Variants in NR5A2 observed in about 807,000 individuals in gnomAD.
NR5A2 encodes nuclear receptor subfamily 5 group A member 2, also known as CYP7A promoter-binding factor.
NR5A2 carries 26 observed loss-of-function variants against 62.7 expected under a neutral mutation model. The observed-to-expected ratio is 0.41, with a 90% CI of 0.30 to 0.58. NR5A2 has a LOEUF of 0.58. Among genes scored for constraint, NR5A2 ranks in the 20% least tolerant of loss-of-function variants. The pLI is 0.22. For synonymous variants in NR5A2, 246 were observed against 241.7 expected (o/e 1.02, Z -0.16); for missense variants, 541 against 669.1 (o/e 0.81, Z 2.11).
chr1:200,157,966 T>C lies in NR5A2; in HGVS notation c.1379-15997T>C, dbSNP rs527494441. ...AATTTAACTCTACAAACTCATAAAA[T>C]ATTGGATATTTAGAATGAATGTAGA... On this transcript the variant is annotated intron_variant, in intron 7 of 7. Transcript: ENST00000367362. 2.9e-4 allele frequency among the ~76,000 whole-genome samples: 44 copies of C among 152,326 alleles called. No homozygotes were observed. The Middle Eastern group carries it at 0.01, about 35-fold the overall frequency.
In NR5A2 at chr1:200,073,349, T is replaced by C. The variant is rs1328422283; in HGVS notation, c.1110+24531T>C. ...ATATATATATATATATTCCCCTTTA[T>C]ATATATATGCGCACACATACTGCTG... On this transcript the variant is annotated intron_variant, in intron 5 of 7. Coordinates refer to ENST00000367362, the MANE Select transcript of NR5A2 (RefSeq NM_205860.3). Among the ~76,000 whole-genome samples the C allele has an allele frequency of 5.4e-5, 3 of 56,002 alleles. No homozygotes were observed. The East Asian group carries it at 1.5e-3, about 28-fold the overall frequency. The allele number at this position is 56,002 out of a possible 152,430, so 36.7% of individuals were successfully genotyped here. A position where few individuals can be genotyped will look rare whatever the true frequency, so the allele number is the denominator to read the frequency against.
intron 5 of NR5A2, among the ~76,000 whole-genome samples, chr1:200,091,675 G>A (rs796506386): frequency 1.6e-4 from 25 of 152,056 alleles, no homozygotes; most frequent in African/African-American, 5.3e-4. Flanking sequence ...AATAGAGATC[G>A]GGTTTCACCA....
In NR5A2 at chr1:200,048,754, C is replaced by A; in HGVS notation, c.1046C>A (p.Ala349Glu). Residue 349 changes from alanine to glutamate, a missense_variant, in exon 5 of 8, where the codon GCA becomes GAA. Physicochemically the swap from Ala to Glu is moderately radical, Grantham distance 107 (BLOSUM62 -1). Around this residue, in one of 3 missense-constraint regions of NR5A2, gnomAD observed 379 missense variants for 442.0 expected, o/e 0.86. Coordinates refer to ENST00000367362, the MANE Select transcript of NR5A2 (RefSeq NM_205860.3). The surrounding 1 kb of genome is among the most constrained non-coding windows in gnomAD (Gnocchi z 4.8). The stretch of plus-strand genomic sequence containing the variant: ...ACCTTTGGGCTTATGTGCAAAATGG[C>A]AGATCAAACTCTCTTCTCCATTGTC... ...LSTFGLMCKM[A>E]DQTLFSIVEW... 6.2e-7 allele frequency: 1 copy of A among 1,614,200 alleles called. No individual in the cohort carries two copies. Among genetic ancestry groups the A allele is most frequent in the East Asian group, 2.2e-5 (1 of 44,880 alleles).
chr1:200,063,680 A>G lies in NR5A2; in HGVS notation c.1110+14862A>G, dbSNP rs544071752. On this transcript the variant is annotated intron_variant, in intron 5 of 7. Coordinates refer to ENST00000367362, the MANE Select transcript of NR5A2 (RefSeq NM_205860.3). The stretch of plus-strand genomic sequence containing the variant: ...TTACACCTGCATTTTACTGGGGTGT[A>G]GTATTTTTCTTTGTTGTTGAATCAC... Among the ~76,000 whole-genome samples the G allele has an allele frequency of 1.4e-4, 21 of 152,306 alleles. 2 individuals are homozygous for G. Among genetic ancestry groups the G allele is most frequent in the African/African-American group, 2.6e-4 (11 of 41,590 alleles).
intron 5 of NR5A2, among the ~76,000 whole-genome samples, chr1:200,098,581 T>G (rs190589304): frequency 6.6e-6 from 1 of 151,372 alleles, no homozygotes; most frequent in East Asian, 1.9e-4. Context: ...ATCCTGTTTC[T>G]GGCACCTGAG....
In NR5A2 at chr1:200,118,024, T is replaced by C. The variant is rs1486639846; in HGVS notation, c.1231-2784T>C. On this transcript the variant is annotated intron_variant, in intron 6 of 7. Coordinates refer to ENST00000367362, the MANE Select transcript of NR5A2 (RefSeq NM_205860.3). ...CCGCCGCACCTCGCCTTTTTCTTTT[T>C]TTTTTTTTTTTTGAGACAGTCTCAC... 1.3e-3 allele frequency among the ~76,000 whole-genome samples: 175 copies of C among 139,390 alleles called. 1 individual carries two copies. Among genetic ancestry groups the C allele is most frequent in the Non-Finnish European group, 2.1e-3 (137 of 64,362 alleles). 91.4% of individuals were successfully genotyped at this position (139,390 alleles called of 152,430 possible).
intron 5 of NR5A2, among the ~76,000 whole-genome samples, chr1:200,077,738 T>G (rs2821309): frequency 1.3e-5 from 2 of 151,870 alleles, no homozygotes; most frequent in Admixed American, 1.3e-4. Flanking sequence ...ACAAACAAAC[T>G]GGCAATTAAT....
chr1:200,089,928 G>A (rs761411278), intron 5 of NR5A2, among the ~76,000 whole-genome samples: 1 of 152,076 alleles, frequency 6.6e-6, no homozygotes, highest in African/African-American at 2.4e-5. Flanking sequence ...TCTCCATCTC[G>A]TCTCACCTGC....
chr1:200,151,273 G>GA (rs1653100561), intron 7 of NR5A2, among the ~76,000 whole-genome samples: 1 of 152,194 alleles, frequency 6.6e-6, no homozygotes, highest in South Asian at 2.1e-4. Flanking sequence ...TCTTTTTAGA[G>GA]AAAGCCATGG....
At chr1:200,136,309 C>T (rs1571538056) in intron 7 of NR5A2, among the ~76,000 whole-genome samples, 1 of 152,010 alleles carries the variant, frequency 6.6e-6, no homozygotes, top group East Asian at 1.9e-4. Context: ...ACCTCCGCTT[C>T]CTGGGTTCGG....
chr1:200,114,178 A>G (rs1666100009), intron 6 of NR5A2, among the ~76,000 whole-genome samples: 1 of 42,218 alleles, frequency 2.4e-5, no homozygotes, highest in African/African-American at 7.0e-5. Context: ...GCAAGACGCC[A>G]TCTCAAAAAA....
chr1:200,113,979 G>A (rs976688354), intron 6 of NR5A2, among the ~76,000 whole-genome samples: 12 of 152,096 alleles, frequency 7.9e-5, no homozygotes, highest in African/African-American at 2.2e-4. Context: ...TCAGGGGTTC[G>A]AGACCAGCCT....
At chr1:200,142,072 C>T (rs967966690) in intron 7 of NR5A2, among the ~76,000 whole-genome samples, 1 of 151,828 alleles carries the variant, frequency 6.6e-6, no homozygotes, top group Non-Finnish European at 1.5e-5. Flanking sequence ...AAGCTTTTTT[C>T]CCCCTTTTAT....
At position 200,173,972 on chromosome 1, in the gene NR5A2, A is replaced by G; in HGVS notation, c.1388A>G (p.Asn463Ser). 1 of 1,427,558 alleles carries G rather than the reference A, an allele frequency of 7.0e-7. No homozygotes were observed. Among genetic ancestry groups the G allele is most frequent in the Non-Finnish European group, 9.2e-7 (1 of 1,083,308 alleles). The allele number at this position is 1,427,558 out of a possible 1,614,324, so 88.4% of individuals were successfully genotyped here. The change falls in exon 8 of 8, where the codon AAC (asparagine) becomes AGC (serine). Residue 463 changes from asparagine (N) to serine (S), a missense_variant. Asn to Ser is a conservative substitution (Grantham distance 46, BLOSUM62 1). Coordinates refer to ENST00000367362, the MANE Select transcript of NR5A2 (RefSeq NM_205860.3). ...FLVLFSLDVK[N>S]LENFQLVEGV... is the part of the protein sequence containing the mutation. ...TTTTTTTTTAATGCAGATGTCAAAA[A>G]CCTTGAAAACTTCCAGCTGGTAGAA... is the stretch of plus-strand genomic sequence containing the variant.
intron 7 of NR5A2, among the ~76,000 whole-genome samples, chr1:200,131,954 A>C (rs1232445606): frequency 6.6e-6 from 1 of 152,172 alleles, no homozygotes. Flanking sequence ...ATCACACAAA[A>C]TATATTGAGT....
intron 5 of NR5A2, among the ~76,000 whole-genome samples, chr1:200,068,853 A>T: frequency 6.6e-6 from 1 of 152,244 alleles, no homozygotes; most frequent in Non-Finnish European, 1.5e-5. Flanking sequence ...TACACAGATG[A>T]TGATATTTTA....
chr1:200,074,190 C>T (rs1454194110), intron 5 of NR5A2, among the ~76,000 whole-genome samples: 1 of 152,012 alleles, frequency 6.6e-6, no homozygotes, highest in Non-Finnish European at 1.5e-5. Context: ...TATTACAGAT[C>T]TAGTTCTAAT....
chr1:200,059,554 G>A (rs1663091719), intron 5 of NR5A2, among the ~76,000 whole-genome samples: 1 of 152,134 alleles, frequency 6.6e-6, no homozygotes. Context: ...GTGTTGGGGA[G>A]GTAGAGCCCA....
chr1:200,042,813 C>T (rs1168227821), intron 2 of NR5A2: 88 of 985,434 alleles, frequency 8.9e-5, no homozygotes, highest in Non-Finnish European at 1.0e-4. Context: ...CTGGTCACTG[C>T]CCTTCCTGTG....
Sources: allele counts gnomAD v4.1 joint callset (sites outside exome capture counted in the v4.1 genomes callset), GRCh38; gene constraint gnomAD v4.1.1; regional missense constraint gnomAD v4.1.1; non-coding constraint Gnocchi (gnomAD v3.1); transcripts MANE v1.5; gene names NCBI Gene and HGNC (gene_info 2026-07-23, HGNC 2026-07-21).